ZFHX3: variants seen among roughly 807,000 people sequenced by gnomAD.
ZFHX3 encodes the protein zinc finger homeobox protein 3.
A neutral mutation model predicts 279.1 loss-of-function variants in ZFHX3; 42 were observed. That is an observed-to-expected ratio of 0.15 (90% CI 0.12 to 0.19). The LOEUF is 0.19. Among genes scored for constraint, ZFHX3 ranks in the 10% least tolerant of loss-of-function variants. The pLI, the probability that ZFHX3 is intolerant of heterozygous loss-of-function variation, is 1.00. For missense variants in ZFHX3, 4,981 were observed against 4,754.0 expected, an observed-to-expected ratio of 1.05 and a Z score of -1.40; for synonymous variants, 2,293 against 1,957.8, an observed-to-expected ratio of 1.17 and a Z score of -4.52.
At chr16:73,576,369 G>A (rs2051799334) in intron 2 of ZFHX3, among the ~76,000 whole-genome samples, 2 of 152,248 alleles carry the variant, frequency 1.3e-5, no homozygotes, top group South Asian at 4.1e-4. Flanking sequence ...ATGGTAGCTG[G>A]AACAGTGGTC....
At chr16:73,789,459 C>T (rs1959758725) in intron 1 of ZFHX3, among the ~76,000 whole-genome samples, 1 of 152,104 alleles carries the variant, frequency 6.6e-6, no homozygotes, top group African/African-American at 2.4e-5. Context: ...GGATTACAGG[C>T]GTGAGCCACC....
intron 7 of ZFHX3, among the ~76,000 whole-genome samples, chr16:73,115,377 C>CAAAAAA (rs10685277): frequency 5.0e-5 from 4 of 80,696 alleles, no homozygotes; most frequent in Non-Finnish European, 6.7e-5. Flanking sequence ...CCTATCTCTA[C>CAAAAAA]AAAAAAAAAA....
intron 1 of ZFHX3, among the ~76,000 whole-genome samples, chr16:73,789,015 A>T (rs1282150580): frequency 1.3e-5 from 2 of 150,700 alleles, no homozygotes; most frequent in African/African-American, 4.9e-5. Flanking sequence ...TAGCACTTTT[A>T]TTCCAGACAT....
At chr16:73,284,665 T>C (rs942830847) in intron 4 of ZFHX3, among the ~76,000 whole-genome samples, 3 of 152,334 alleles carry the variant, frequency 2.0e-5, no homozygotes, top group African/African-American at 4.8e-5. Flanking sequence ...TGTTTTGCTT[T>C]TGTTTTTTGC....
chr16:73,422,656 G>A (rs945942564), intron 3 of ZFHX3, among the ~76,000 whole-genome samples: 6 of 152,070 alleles, frequency 3.9e-5, no homozygotes, highest in African/African-American at 7.2e-5. Context: ...ATTTCCAAAG[G>A]CATTCACATT....
chr16:73,049,679 A>T (rs1965413646), upstream of ZFHX3, among the ~76,000 whole-genome samples: 1 of 152,186 alleles, frequency 6.6e-6, no homozygotes, highest in Non-Finnish European at 1.5e-5. Flanking sequence ...GGAGGGCACA[A>T]GCCCAATTCA....
chr16:73,639,246 A>C (rs115992938), intron 2 of ZFHX3, among the ~76,000 whole-genome samples: 92 of 152,302 alleles, frequency 6.0e-4, no homozygotes, highest in African/African-American at 2.0e-3. Context: ...GTCCTGTCTG[A>C]ATCTGCAAGT....
At chr16:73,135,102 C>T (rs1966766004) in intron 6 of ZFHX3, among the ~76,000 whole-genome samples, 1 of 152,010 alleles carries the variant, frequency 6.6e-6, no homozygotes, top group African/African-American at 2.4e-5. Context: ...AGTGAAATGC[C>T]AGGACTGTTG....
rs79617634 is a variant in ZFHX3, at chr16:73,266,537, C to T, written c.-1193-9401G>A. Among the ~76,000 whole-genome samples the T allele has an allele frequency of 2.3e-3, 346 of 152,280 alleles. 7 individuals carry two copies. The East Asian group carries it at 0.057, about 25-fold the overall frequency. On this transcript the variant is annotated intron_variant, in intron 4 of 17. Coordinates refer to the ZFHX3 transcript ENST00000641206. The stretch of plus-strand genomic sequence containing the variant: ...AGGAGTAATATTCATCCACATGTCT[C>T]CATTTTGCAGACGTGAAGACAGATT...
At chr16:73,741,908 T>C (rs1365198711) in intron 1 of ZFHX3, among the ~76,000 whole-genome samples, 3 of 152,218 alleles carry the variant, frequency 2.0e-5, no homozygotes, top group Non-Finnish European at 4.4e-5. Flanking sequence ...ATTCTAAGTC[T>C]TTCTAGCAAC....
At chr16:73,441,030 T>A (rs1192580001) in intron 3 of ZFHX3, among the ~76,000 whole-genome samples, 1 of 152,196 alleles carries the variant, frequency 6.6e-6, no homozygotes, top group Non-Finnish European at 1.5e-5. Context: ...TGGCATGCCC[T>A]GATTTCTTTT....
At chr16:73,108,726 A>G (rs1350203578) in intron 7 of ZFHX3, among the ~76,000 whole-genome samples, 1 of 152,210 alleles carries the variant, frequency 6.6e-6, no homozygotes, top group Non-Finnish European at 1.5e-5. Flanking sequence ...CTGTGGTTCT[A>G]ACAGGGTTAA....
intron 3 of ZFHX3, among the ~76,000 whole-genome samples, chr16:73,445,121 C>T (rs191611752): frequency 1.4e-4 from 21 of 151,730 alleles, no homozygotes; most frequent in Admixed American, 2.6e-4. Flanking sequence ...GGTGACAGAA[C>T]GAGACTGTCT....
chr16:73,279,662 G>C (rs1181533488), intron 4 of ZFHX3, among the ~76,000 whole-genome samples: 3 of 151,978 alleles, frequency 2.0e-5, no homozygotes, highest in African/African-American at 7.3e-5. Flanking sequence ...ATTATTCTTT[G>C]TACTTAGAAG....
intron 1 of ZFHX3, among the ~76,000 whole-genome samples, chr16:73,709,506 T>G (rs554669229): frequency 3.9e-5 from 6 of 152,202 alleles, no homozygotes; most frequent in African/African-American, 1.4e-4. Flanking sequence ...GAGGGTATTA[T>G]GCTGAGTGAA....
intron 1 of ZFHX3, among the ~76,000 whole-genome samples, chr16:73,749,290 T>C (rs2053735130): frequency 6.6e-6 from 1 of 152,070 alleles, no homozygotes; most frequent in African/African-American, 2.4e-5. Flanking sequence ...CTTATCCTGT[T>C]TATATCACTC....
At chr16:73,642,579 AC>A (rs2052583636) in intron 2 of ZFHX3, among the ~76,000 whole-genome samples, 1 of 152,132 alleles carries the variant, frequency 6.6e-6, no homozygotes. Flanking sequence ...AAAATATAAA[AC>A]GGCATATAAA....
chr16:73,366,700 G>T (rs1324424759), intron 3 of ZFHX3, among the ~76,000 whole-genome samples: 1 of 151,940 alleles, frequency 6.6e-6, no homozygotes, highest in Non-Finnish European at 1.5e-5. Flanking sequence ...GTTGGCAAAA[G>T]TATGTGTGTG....
In ZFHX3 at chr16:73,330,666, T is replaced by C. The variant is rs2015784736; in HGVS notation, c.-1290-12330A>G. Among the ~76,000 whole-genome samples the C allele has an allele frequency of 2.6e-5, 4 of 152,262 alleles. No individual in the cohort carries two copies. The South Asian group carries it at 8.3e-4, about 32-fold the overall frequency. On this transcript the variant is annotated intron_variant, in intron 3 of 17. Coordinates refer to the ZFHX3 transcript ENST00000641206. ...GGATATGTTCAGCTACTGTGATCAC[T>C]GAACAAGGGAGAGGCAAGGGCATGT...
Sources: gnomAD v4.1 joint callset for allele counts (sites outside exome capture counted in the v4.1 genomes callset) on GRCh38, gnomAD v4.1.1 for gene constraint, MANE v1.5 for transcripts, NCBI Gene and HGNC (gene_info 2026-07-23, HGNC 2026-07-21) for gene names.